The following CDH13 variants were observed in gnomAD, a reference collection of about 807,000 sequenced individuals.
CDH13 encodes cadherin-13.
CDH13 carries 24 observed loss-of-function variants against 63.8 expected under a neutral mutation model. That is an observed-to-expected ratio of 0.38 (90% CI 0.27 to 0.53). The LOEUF (loss-of-function observed/expected upper bound fraction) is 0.53, where lower values mean the gene tolerates loss of function less well. Among genes scored for constraint, CDH13 ranks in the 20% least tolerant of loss-of-function variants. The pLI is 0.85. For missense variants in CDH13, 1,049 were observed against 903.1 expected, an observed-to-expected ratio of 1.16 and a Z score of -2.07; for synonymous variants, 503 against 355.3, an observed-to-expected ratio of 1.42 and a Z score of -4.67.
At chr16:83,025,319 G>A (rs1567755622) in intron 2 of CDH13, among the ~76,000 whole-genome samples, 1 of 152,180 alleles carries the variant, frequency 6.6e-6, no homozygotes, top group Non-Finnish European at 1.5e-5. Flanking sequence ...AGACATACCT[G>A]GGACAGGGTA....
At chr16:83,236,110 G>A (rs994318695) in intron 5 of CDH13, among the ~76,000 whole-genome samples, 1 of 152,070 alleles carries the variant, frequency 6.6e-6, no homozygotes, top group Non-Finnish European at 1.5e-5. Flanking sequence ...CAAAGTATGT[G>A]GACGCTCTAC....
chr16:83,504,343 T>G (rs12930939), intron 7 of CDH13, among the ~76,000 whole-genome samples: 17 of 152,134 alleles, frequency 1.1e-4, no homozygotes, highest in African/African-American at 3.9e-4. Context: ...ACTTCTCTTC[T>G]GAAGATCTGC....
At chr16:82,692,778 T>C (rs1454460709) in intron 1 of CDH13, among the ~76,000 whole-genome samples, 1 of 148,708 alleles carries the variant, frequency 6.7e-6, no homozygotes, top group Non-Finnish European at 1.5e-5. Flanking sequence ...ATGAAAAACC[T>C]AGGTTCTCAG....
At chr16:83,010,910 A>C (rs946192374) in intron 2 of CDH13, among the ~76,000 whole-genome samples, 6 of 152,158 alleles carry the variant, frequency 3.9e-5, no homozygotes, top group Admixed American at 3.3e-4. Flanking sequence ...ATTTCTTAGC[A>C]TTTTGTGGCT....
At chr16:83,745,231 C>T (rs1489841578) in intron 10 of CDH13, among the ~76,000 whole-genome samples, 2 of 152,148 alleles carry the variant, frequency 1.3e-5, no homozygotes, top group South Asian at 2.1e-4. Context: ...ACAGGCCAGA[C>T]GCCTTCCAGG....
intron 5 of CDH13, among the ~76,000 whole-genome samples, chr16:83,283,452 G>A (rs528540549): frequency 1.1e-3 from 174 of 152,226 alleles, no homozygotes; most frequent in Non-Finnish European, 2.0e-3. Context: ...TTAGCTGGGC[G>A]TGGTGGTGCA....
chr16:83,477,930 C>G lies in CDH13; in HGVS notation c.782-8547C>G, dbSNP rs57102201. On this transcript the variant is annotated intron_variant, in intron 6 of 13. Coordinates refer to ENST00000567109, the MANE Select transcript of CDH13 (RefSeq NM_001257.5). ...GACGCGGTGGCTCATACCTGTAATC[C>G]CAGCACTTTGGGAGGCCGAGTCGGG... Among the ~76,000 whole-genome samples the G allele has an allele frequency of 4.8e-3, 735 of 152,102 alleles. 12 individuals carry two copies. The highest frequency in any genetic ancestry group is 0.017 in the African/African-American group (695 of 41,498).
intron 7 of CDH13, among the ~76,000 whole-genome samples, chr16:83,578,752 C>G (rs1469968542): frequency 6.6e-6 from 1 of 152,208 alleles, no homozygotes; most frequent in Non-Finnish European, 1.5e-5. Context: ...ATAGTTAGCA[C>G]AATAGGAGAG....
chr16:83,281,762 A>G (rs2089182206), intron 5 of CDH13, among the ~76,000 whole-genome samples: 1 of 151,344 alleles, frequency 6.6e-6, no homozygotes, highest in Admixed American at 6.6e-5. Flanking sequence ...AAAAAAAAAA[A>G]CGTAGCCAAG....
chr16:83,793,996 G>C (rs1366396810), intron 13 of CDH13, among the ~76,000 whole-genome samples: 4 of 152,078 alleles, frequency 2.6e-5, no homozygotes, highest in East Asian at 1.9e-4. Flanking sequence ...AGGTGAAAAA[G>C]AGAAGATGCT....
chr16:83,137,543 A>T (rs1426127094), intron 4 of CDH13, among the ~76,000 whole-genome samples: 1 of 152,240 alleles, frequency 6.6e-6, no homozygotes, highest in Non-Finnish European at 1.5e-5. Context: ...AAGAAAAGCC[A>T]CTGCCTCGCT....
At chr16:83,344,199 C>G (rs1442454301) in intron 5 of CDH13, among the ~76,000 whole-genome samples, 2 of 152,214 alleles carry the variant, frequency 1.3e-5, no homozygotes, top group African/African-American at 2.4e-5. Flanking sequence ...AATGCCATGA[C>G]ATAATTCTTC....
At chr16:83,027,322 T>G (rs978485962) in intron 2 of CDH13, among the ~76,000 whole-genome samples, 1 of 152,288 alleles carries the variant, frequency 6.6e-6, no homozygotes, top group South Asian at 2.1e-4. Flanking sequence ...GACAGATTGA[T>G]ATAATATAAA....
chr16:82,756,468 G>A (rs1019948583), intron 1 of CDH13, among the ~76,000 whole-genome samples: 26 of 151,958 alleles, frequency 1.7e-4, no homozygotes, highest in Admixed American at 9.8e-4. Flanking sequence ...AACCTGCGTG[G>A]CAACCCGGGG....
intron 4 of CDH13, among the ~76,000 whole-genome samples, chr16:83,148,012 C>A (rs1327706863): frequency 6.6e-6 from 1 of 152,146 alleles, no homozygotes; most frequent in East Asian, 1.9e-4. Context: ...TTGCTTAATG[C>A]AACCTCAGCC....
At chr16:83,325,980 A>G (rs180934140) in intron 5 of CDH13, among the ~76,000 whole-genome samples, 9 of 152,304 alleles carry the variant, frequency 5.9e-5, no homozygotes, top group Non-Finnish European at 1.2e-4. Flanking sequence ...TGAAAGAGAA[A>G]AAAGGTGACA....
intron 1 of CDH13, among the ~76,000 whole-genome samples, chr16:82,637,461 G>A (rs1908803886): frequency 3.1e-5 from 3 of 96,280 alleles, no homozygotes; most frequent in South Asian, 3.6e-4. Flanking sequence ...GACGGAGTCT[G>A]GCTCTGTCAC....
At chr16:83,444,225 AATG>A (rs577218784) in intron 6 of CDH13, among the ~76,000 whole-genome samples, 2 of 152,062 alleles carry the variant, frequency 1.3e-5, no homozygotes, top group Admixed American at 6.5e-5. Context: ...TGACCATAGT[AATG>A]ATGATGATGA....
At chr16:83,011,141 AG>A (rs2151436713) in intron 2 of CDH13, among the ~76,000 whole-genome samples, 1 of 152,282 alleles carries the variant, frequency 6.6e-6, no homozygotes, top group Non-Finnish European at 1.5e-5. Flanking sequence ...AGCAGGACAA[AG>A]TAGTAAGGGG....
Sources: gnomAD v4.1 joint callset for allele counts (sites outside exome capture counted in the v4.1 genomes callset) on GRCh38, gnomAD v4.1.1 for gene constraint, MANE v1.5 for transcripts, NCBI Gene and HGNC (gene_info 2026-07-23, HGNC 2026-07-21) for gene names.